Variants in EXOC6B observed in about 807,000 individuals in gnomAD.
The protein encoded by EXOC6B is exocyst complex component 6B.
A neutral mutation model predicts 113.5 loss-of-function variants in EXOC6B; 54 were observed. The ratio of observed to expected loss-of-function variants is 0.48; its 90% CI spans 0.38 to 0.60. The LOEUF (loss-of-function observed/expected upper bound fraction) is 0.60, where lower values mean the gene tolerates loss of function less well. Among genes scored for constraint, EXOC6B ranks in the 20% least tolerant of loss-of-function variants. The pLI is 0.00. For synonymous variants in EXOC6B, 357 were observed against 339.0 expected, an observed-to-expected ratio of 1.05 and a Z score of -0.58; for missense variants, 797 against 977.5, an observed-to-expected ratio of 0.82 and a Z score of 2.46.
intron 18 of EXOC6B, among the ~76,000 whole-genome samples, chr2:72,412,704 G>A (rs1694257012): frequency 6.6e-6 from 1 of 151,896 alleles, no homozygotes; most frequent in African/African-American, 2.4e-5. Context: ...TTTTTCCCTA[G>A]GCTAAATAAA....
At chr2:72,484,529 T>C (rs1699311270) in intron 16 of EXOC6B, among the ~76,000 whole-genome samples, 1 of 142,618 alleles carries the variant, frequency 7.0e-6, no homozygotes. Context: ...ATCACGCCAC[T>C]GCACTCCAGC....
intron 8 of EXOC6B, among the ~76,000 whole-genome samples, chr2:72,552,701 TTATC>T (rs1309008428): frequency 1.3e-5 from 2 of 152,008 alleles, no homozygotes; most frequent in Non-Finnish European, 1.5e-5. Context: ...CAAATTGAGT[TTATC>T]TAATAAACAC....
intron 20 of EXOC6B, among the ~76,000 whole-genome samples, chr2:72,257,053 C>A (rs1683394674): frequency 6.6e-6 from 1 of 152,100 alleles, no homozygotes; most frequent in South Asian, 2.1e-4. Flanking sequence ...CCTCATGCCC[C>A]ATCTCATCAT....
At chr2:72,427,808 AGAGTGG>A (rs1695294524) in intron 18 of EXOC6B, among the ~76,000 whole-genome samples, 1 of 152,176 alleles carries the variant, frequency 6.6e-6, no homozygotes, top group Admixed American at 6.5e-5. Flanking sequence ...CCCACAGACC[AGAGTGG>A]GAACTTGCAG....
At chr2:72,531,852 C>T (rs1485911920) in intron 8 of EXOC6B, among the ~76,000 whole-genome samples, 1 of 152,060 alleles carries the variant, frequency 6.6e-6, no homozygotes, top group African/African-American at 2.4e-5. Context: ...GGTGTGGTGG[C>T]AGACTCCTGT....
intron 18 of EXOC6B, among the ~76,000 whole-genome samples, chr2:72,381,344 AT>A (rs1218974031): frequency 6.6e-6 from 1 of 152,046 alleles, no homozygotes; most frequent in East Asian, 1.9e-4. Context: ...TTATTTGGCC[AT>A]TCTTCTCATG....
intron 21 of EXOC6B, among the ~76,000 whole-genome samples, chr2:72,180,652 A>C (rs897475620): frequency 6.6e-6 from 1 of 152,102 alleles, no homozygotes; most frequent in African/African-American, 2.4e-5. Context: ...CCGGGCTATA[A>C]ATTGCCCCCA....
intron 17 of EXOC6B, among the ~76,000 whole-genome samples, chr2:72,469,282 T>C (rs1698254042): frequency 6.6e-6 from 1 of 152,048 alleles, no homozygotes; most frequent in Non-Finnish European, 1.5e-5. Flanking sequence ...TCTATACTGG[T>C]TTTCATTTTC....
intron 18 of EXOC6B, among the ~76,000 whole-genome samples, chr2:72,457,314 G>C (rs1452146918): frequency 6.6e-6 from 1 of 152,050 alleles, no homozygotes; most frequent in African/African-American, 2.4e-5. Flanking sequence ...AGTTTTGAAA[G>C]GGTTTTAAAT....
At chr2:72,781,629 G>A (rs946606325) in intron 1 of EXOC6B, among the ~76,000 whole-genome samples, 26 of 152,084 alleles carry the variant, frequency 1.7e-4, no homozygotes, top group African/African-American at 4.1e-4. Context: ...GCAACAGATC[G>A]CATGTGGCCT....
intron 20 of EXOC6B, among the ~76,000 whole-genome samples, chr2:72,189,508 CTG>C (rs973992684): frequency 6.6e-5 from 10 of 152,188 alleles, no homozygotes; most frequent in Non-Finnish European, 1.5e-4. Flanking sequence ...TCCTTTGGAA[CTG>C]TGAAGATTTA....
At chr2:72,377,397 T>C (rs1691422890) in intron 19 of EXOC6B, among the ~76,000 whole-genome samples, 1 of 152,154 alleles carries the variant, frequency 6.6e-6, no homozygotes, top group Non-Finnish European at 1.5e-5. Flanking sequence ...AAAAGATATC[T>C]GCACTCCTAT....
rs1231056118 is a variant in EXOC6B, at chr2:72,201,942, A to G, written c.2197-17755T>C. Among the ~76,000 whole-genome samples the G allele has an allele frequency of 7.2e-5, 11 of 152,320 alleles. No homozygotes were observed. The East Asian group carries it at 2.1e-3, about 29-fold the overall frequency. On this transcript the variant is annotated intron_variant, in intron 20 of 21. Coordinates refer to ENST00000272427, the MANE Select transcript of EXOC6B (RefSeq NM_015189.3). Reference sequence around the variant, plus strand: ...TTGGGTTGGATGGGAAGAAGATACTAGGAGAAAAAAGAAACCTCCTTGTTG... The same window carrying G: ...TTGGGTTGGATGGGAAGAAGATACTGGGAGAAAAAAGAAACCTCCTTGTTG...
chr2:72,266,831 A>G (rs1684129203), intron 20 of EXOC6B, among the ~76,000 whole-genome samples: 1 of 152,154 alleles, frequency 6.6e-6, no homozygotes, highest in African/African-American at 2.4e-5. Flanking sequence ...CATTGAATTT[A>G]TAAATTACCT....
chr2:72,412,250 T>C (rs1022263022), intron 18 of EXOC6B, among the ~76,000 whole-genome samples: 11 of 152,058 alleles, frequency 7.2e-5, no homozygotes, highest in African/African-American at 2.7e-4. Flanking sequence ...AACAATGAAA[T>C]ATTATCTGTT....
intron 19 of EXOC6B, among the ~76,000 whole-genome samples, chr2:72,378,178 A>G (rs886386536): frequency 6.6e-6 from 1 of 152,208 alleles, no homozygotes; most frequent in African/African-American, 2.4e-5. Context: ...CAAGCCTCAC[A>G]GAGTTTCACT....
rs192616926 is a variant in EXOC6B at position 72,230,392 on chromosome 2, T to C, written c.2197-46205A>G. Among the ~76,000 whole-genome samples the C allele has an allele frequency of 3.3e-3, 497 of 152,316 alleles. 3 individuals are homozygous for C. Among genetic ancestry groups the C allele is most frequent in the African/African-American group, 0.011 (471 of 41,592 alleles). ...GAATTTGGGAGGTCTAACTTCTGAA[T>C]GATGTCTTTAAGTATTTAAAGGCAT... On this transcript the variant is annotated intron_variant, in intron 20 of 21. Transcript: ENST00000272427.
chr2:72,806,930 T>C (rs184547487), intron 1 of EXOC6B, among the ~76,000 whole-genome samples: 15 of 152,336 alleles, frequency 9.8e-5, no homozygotes, highest in Admixed American at 9.1e-4. Context: ...TAGACCTTTG[T>C]CAGATACATA....
At chr2:72,440,584 G>C (rs1031845479) in intron 18 of EXOC6B, among the ~76,000 whole-genome samples, 1 of 152,132 alleles carries the variant, frequency 6.6e-6, no homozygotes, top group East Asian at 1.9e-4. Flanking sequence ...ATACACTGAA[G>C]TACACAGACC....
Sources: gnomAD v4.1 joint callset for allele counts (sites outside exome capture counted in the v4.1 genomes callset) on GRCh38, gnomAD v4.1.1 for gene constraint, MANE v1.5 for transcripts, NCBI Gene and HGNC (gene_info 2026-07-23, HGNC 2026-07-21) for gene names.